MALRD1: variants seen among roughly 807,000 people sequenced by gnomAD.
MALRD1 encodes MAM and LDL receptor class A domain containing 1.
Under a neutral mutation model 242.1 loss-of-function variants are expected in MALRD1, and 247 were observed. The ratio of observed to expected loss-of-function variants is 1.02; its 90% CI spans 0.92 to 1.13. MALRD1 has a LOEUF of 1.13. MALRD1 is among the 50% of genes most tolerant of loss of function. The pLI is 0.00. For missense variants in MALRD1, 2,989 were observed against 2,533.1 expected (o/e 1.18, Z -3.86); for synonymous variants, 995 against 866.6 (o/e 1.15, Z -2.60).
intron 29 of MALRD1, among the ~76,000 whole-genome samples, chr10:19,456,375 TG>T (rs57242170): frequency 0.073 from 11,168 of 152,206 alleles, 1,122 homozygotes; most frequent in African/African-American, 0.23. Context: ...AAAAACTGTA[TG>T]TATGACTCCT....
chr10:19,602,441 C>T (rs751637121), intron 34 of MALRD1, among the ~76,000 whole-genome samples: 52 of 147,686 alleles, frequency 3.5e-4, no homozygotes, highest in Admixed American at 5.4e-4. Flanking sequence ...TGAGAACACG[C>T]GGTGTTTGTT....
chr10:19,165,594 G>A (rs983039192), intron 12 of MALRD1, 43 bp from the exon 13 acceptor site: 4 of 1,195,618 alleles, frequency 3.3e-6, no homozygotes, highest in Admixed American at 4.2e-5. Flanking sequence ...ACCAGAGACA[G>A]GTCAATGGAA....
chr10:19,338,322 C>T (rs1251218674), intron 24 of MALRD1, among the ~76,000 whole-genome samples: 2 of 152,120 alleles, frequency 1.3e-5, no homozygotes, highest in Non-Finnish European at 2.9e-5. Flanking sequence ...CTATGCTCCG[C>T]TTGTTTATTC....
At chr10:19,726,425 A>T (rs1357434831) in intron 38 of MALRD1, among the ~76,000 whole-genome samples, 1 of 152,176 alleles carries the variant, frequency 6.6e-6, no homozygotes, top group Non-Finnish European at 1.5e-5. Flanking sequence ...AGCAATAATA[A>T]TAATAATTTA....
At position 19,171,658 on chromosome 10, in the gene MALRD1, C is replaced by G. The variant is rs1379149510; in HGVS notation, c.1831-3550C>G. ...TAAATACACACACACATATATATGT[C>G]TATGTGTGTATATAAATACACACAT... On this transcript the variant is annotated intron_variant, in intron 13 of 39. Coordinates refer to ENST00000454679, the MANE Select transcript of MALRD1 (RefSeq NM_001142308.3). Among the ~76,000 whole-genome samples the G allele has an allele frequency of 2.2e-5, 3 of 139,356 alleles. 1 individual carries two copies. The highest frequency in any genetic ancestry group is 3.1e-5 in the Non-Finnish European group (2 of 64,468). 91.4% of individuals were successfully genotyped at this position (139,356 alleles called of 152,430 possible). A position where few individuals can be genotyped will look rare whatever the true frequency, so the allele number is the denominator to read the frequency against.
At chr10:19,579,939 A>G (rs1472410502) in intron 33 of MALRD1, among the ~76,000 whole-genome samples, 1 of 152,224 alleles carries the variant, frequency 6.6e-6, no homozygotes, top group Non-Finnish European at 1.5e-5. Flanking sequence ...AGCTAGAGCT[A>G]TCAGTGAGCA....
At chr10:19,172,385 T>G (rs1430723468) in intron 13 of MALRD1, among the ~76,000 whole-genome samples, 1 of 151,700 alleles carries the variant, frequency 6.6e-6, no homozygotes, top group African/African-American at 2.4e-5. Flanking sequence ...GAATTACAAT[T>G]TCTAATTGTA....
At chr10:19,094,446 C>T (rs942979338) in intron 4 of MALRD1, among the ~76,000 whole-genome samples, 4 of 148,472 alleles carry the variant, frequency 2.7e-5, no homozygotes, top group South Asian at 2.2e-4. Context: ...CGCCCTGCTT[C>T]GGCTCGCGCA....
intron 24 of MALRD1, among the ~76,000 whole-genome samples, chr10:19,334,956 T>C (rs548396629): frequency 5.0e-4 from 76 of 152,224 alleles, no homozygotes; most frequent in African/African-American, 1.7e-3. Flanking sequence ...AAATATTTCT[T>C]GAACTCTTTG....
At position 19,708,609 on chromosome 10, in the gene MALRD1, G is replaced by A. The variant is rs535568757; in HGVS notation, c.6314+16055G>A. Reference sequence around the variant, plus strand: ...GATTCTCCTGCCGGGGCCTCCCAAAGTACTGGAATCATGTGCCTGAGCCGC... The same window carrying A: ...GATTCTCCTGCCGGGGCCTCCCAAAATACTGGAATCATGTGCCTGAGCCGC... On this transcript the variant is annotated intron_variant, in intron 38 of 39. Coordinates refer to ENST00000454679, the MANE Select transcript of MALRD1 (RefSeq NM_001142308.3). Among the ~76,000 whole-genome samples, 18 of 111,732 alleles carry A rather than the reference G, an allele frequency of 1.6e-4. 3 individuals carry two copies. Among genetic ancestry groups the A allele is most frequent in the African/African-American group, 5.1e-4 (18 of 35,172 alleles). 73.3% of individuals were successfully genotyped at this position (111,732 alleles called of 152,430 possible). A position where few individuals can be genotyped will look rare whatever the true frequency, so the allele number is the denominator to read the frequency against.
At chr10:19,394,041 A>G (rs921143361) in intron 28 of MALRD1, among the ~76,000 whole-genome samples, 1 of 152,186 alleles carries the variant, frequency 6.6e-6, no homozygotes, top group Non-Finnish European at 1.5e-5. Context: ...GGGAATTTGA[A>G]TATATTTAAT....
At chr10:19,367,609 T>C (rs1473305924) in intron 26 of MALRD1, among the ~76,000 whole-genome samples, 2 of 152,130 alleles carry the variant, frequency 1.3e-5, no homozygotes, top group Non-Finnish European at 2.9e-5. Flanking sequence ...GTACTAACTA[T>C]TTTTCCTCCT....
intron 25 of MALRD1, 103 bp downstream of exon 25, chr10:19,348,121 G>T (rs1844213397): frequency 7.2e-7 from 1 of 1,394,678 alleles, no homozygotes; most frequent in Admixed American, 2.8e-5. Flanking sequence ...CCAGAGAAAA[G>T]ATGAGTTTGA....
At chr10:19,241,182 C>T (rs1838753799) in intron 18 of MALRD1, among the ~76,000 whole-genome samples, 1 of 151,804 alleles carries the variant, frequency 6.6e-6, no homozygotes, top group African/African-American at 2.4e-5. Flanking sequence ...GTGAAGACAT[C>T]AGGTCCTGGG....
At position 19,595,346 on chromosome 10, in the gene MALRD1, C is replaced by T. The variant is rs774304188; in HGVS notation, c.5833C>T (p.Pro1945Ser). The part of the protein sequence containing the change: ...EMDCPLSPTP[P>S]LCSNMEFPCS... The stretch of plus-strand genomic sequence containing the variant: ...GGATTGTCCTCTCAGCCCCACCCCT[C>T]CACTCTGTAGTAACATGGAGTTCCC... The change falls in exon 34 of 40, where the codon CCA becomes TCA. Residue 1945 changes from proline (P) to serine (S), a missense_variant. Coordinates refer to ENST00000454679, the MANE Select transcript of MALRD1 (RefSeq NM_001142308.3). 7.1e-6 allele frequency: 11 copies of T among 1,550,628 alleles called. No individual in the cohort carries two copies. Among genetic ancestry groups the T allele is most frequent in the Non-Finnish European group, 9.6e-6 (11 of 1,146,992 alleles).
intron 36 of MALRD1, among the ~76,000 whole-genome samples, chr10:19,655,270 G>A (rs1443439151): frequency 6.6e-6 from 1 of 151,848 alleles, no homozygotes; most frequent in Admixed American, 6.6e-5. Flanking sequence ...AATTTCTGCA[G>A]TAAGACTTGA....
chr10:19,378,215 T>C (rs1037914849), intron 26 of MALRD1, among the ~76,000 whole-genome samples: 1 of 152,132 alleles, frequency 6.6e-6, no homozygotes, highest in Non-Finnish European at 1.5e-5. Context: ...CAATATGTAT[T>C]CAATTAATGA....
chr10:19,449,609 T>G (rs1268148234), intron 28 of MALRD1, among the ~76,000 whole-genome samples: 3 of 152,154 alleles, frequency 2.0e-5, no homozygotes, highest in Non-Finnish European at 2.9e-5. Flanking sequence ...TCTAAAAATT[T>G]TTTTGAGGGA....
chr10:19,196,921 T>A (rs1480442017), intron 14 of MALRD1, among the ~76,000 whole-genome samples: 1 of 152,176 alleles, frequency 6.6e-6, no homozygotes, highest in Non-Finnish European at 1.5e-5. Context: ...TTTTCTTCAT[T>A]GCTACCACCC....
Sources: gnomAD v4.1 joint callset for allele counts (sites outside exome capture counted in the v4.1 genomes callset) on GRCh38, gnomAD v4.1.1 for gene constraint, MANE v1.5 for transcripts, NCBI Gene and HGNC (gene_info 2026-07-23, HGNC 2026-07-21) for gene names.